GNG2: variants seen among roughly 807,000 people sequenced by gnomAD.
The protein encoded by GNG2 is guanine nucleotide-binding protein G(I)/G(S)/G(O) subunit gamma-2.
GNG2 carries 5 observed loss-of-function variants against 5.5 expected under a neutral mutation model. The ratio of observed to expected loss-of-function variants is 0.91; its 90% CI spans 0.48 to 1.92. The LOEUF is 1.92. Ranked by LOEUF, GNG2 falls within the 30% of genes most tolerant of loss-of-function variation. The pLI is 0.01. For missense variants in GNG2, 55 were observed against 88.4 expected, an observed-to-expected ratio of 0.62 and a Z score of 1.52; for synonymous variants, 28 against 32.0, an observed-to-expected ratio of 0.88 and a Z score of 0.42.
chr14:51,893,078 T>A (rs918635228), intron 2 of GNG2, among the ~76,000 whole-genome samples: 6 of 152,240 alleles, frequency 3.9e-5, no homozygotes, highest in Non-Finnish European at 7.3e-5. Context: ...TGTGGTTGTG[T>A]TTCTTCTAAC....
chr14:51,853,615 T>C (rs1310471121), intron 2 of GNG2, among the ~76,000 whole-genome samples: 1 of 152,228 alleles, frequency 6.6e-6, no homozygotes, highest in East Asian at 1.9e-4. Context: ...CTGGTCTACA[T>C]TTTTGGCACA....
chr14:51,957,301 A>T (rs1594960377), intron 3 of GNG2, among the ~76,000 whole-genome samples: 1 of 151,902 alleles, frequency 6.6e-6, no homozygotes, highest in African/African-American at 2.4e-5. Flanking sequence ...ATAAAATTTG[A>T]TTTTTTTCTC....
At chr14:51,947,386 G>T (rs538959330) in intron 2 of GNG2, among the ~76,000 whole-genome samples, 7 of 152,254 alleles carry the variant, frequency 4.6e-5, no homozygotes, top group African/African-American at 1.4e-4. Context: ...TAGTTACAAG[G>T]GTCCTTAAAA....
chr14:51,893,620 G>T (rs1206198026), intron 2 of GNG2, among the ~76,000 whole-genome samples: 1 of 151,650 alleles, frequency 6.6e-6, no homozygotes, highest in Non-Finnish European at 1.5e-5. Flanking sequence ...ACATATGTCT[G>T]TGTTTTCCTT....
rs896470745 is a variant in GNG2 at position 51,967,505 on chromosome 14, C to T, written c.*818C>T. 1.3e-5 allele frequency: 2 copies of T among 151,996 alleles called. No individual in the cohort carries two copies. The highest frequency in any genetic ancestry group is 4.8e-5 in the African/African-American group (2 of 41,378). 9.4% of individuals were successfully genotyped at this position (151,996 alleles called of 1,614,324 possible). On this transcript the variant is annotated 3_prime_UTR_variant, in exon 4 of 4. Coordinates refer to ENST00000556766, the MANE Select transcript of GNG2 (RefSeq NM_053064.5). ...TCCATTCAGAAGTTTTGTTGTTTTA[C>T]TCTAAAGCTGGGAAAGGAAATGAGA...
chr14:51,886,781 G>T (rs1308749160), intron 2 of GNG2, among the ~76,000 whole-genome samples: 2 of 152,154 alleles, frequency 1.3e-5, no homozygotes, highest in Non-Finnish European at 2.9e-5. Flanking sequence ...CTGATCGCCT[G>T]CTCATGCTCC....
Position 51,916,516 on chromosome 14 carries a change from A to T in GNG2, c.-29-34134A>T, listed in dbSNP as rs949175470. The T allele has an allele frequency of 2.4e-5, 11 of 452,218 alleles. No individual in the cohort carries two copies. In the Middle Eastern group the frequency reaches 1.3e-3, roughly 54 times the overall value. The allele number at this position is 452,218 out of a possible 1,614,324, so 28.0% of individuals were successfully genotyped here. A position where few individuals can be genotyped will look rare whatever the true frequency, so the allele number is the denominator to read the frequency against. ...TTTCCACGAAAATAATCCTGAAAAA[A>T]AAAAAGAAATGGAAATTAATCCAAT... On this transcript the variant is annotated intron_variant, in intron 2 of 3. Coordinates refer to ENST00000556766, the MANE Select transcript of GNG2 (RefSeq NM_053064.5).
At chr14:51,907,176 C>T (rs896441057) in intron 2 of GNG2, among the ~76,000 whole-genome samples, 2 of 152,206 alleles carry the variant, frequency 1.3e-5, no homozygotes, top group Non-Finnish European at 2.9e-5. Flanking sequence ...TTGGACCGAG[C>T]TAGCAATGAA....
At chr14:51,909,973 A>G (rs1433208322) in intron 2 of GNG2, among the ~76,000 whole-genome samples, 1 of 152,242 alleles carries the variant, frequency 6.6e-6, no homozygotes, top group East Asian at 1.9e-4. Context: ...CTCTGAAAGA[A>G]TGGAATTGAT....
At chr14:51,879,757 G>A (rs1333430601) in intron 2 of GNG2, among the ~76,000 whole-genome samples, 1 of 152,168 alleles carries the variant, frequency 6.6e-6, no homozygotes, top group Non-Finnish European at 1.5e-5. Flanking sequence ...AAGTATCTGT[G>A]TGATAAGATT....
In GNG2 at chr14:51,940,700, T is replaced by A. The variant is rs1047098016; in HGVS notation, c.-29-9950T>A. Among the ~76,000 whole-genome samples, 8 of 152,308 alleles carry A rather than the reference T, an allele frequency of 5.3e-5. 1 individual carries two copies. The highest frequency in any genetic ancestry group is 4.6e-4 in the Admixed American group (7 of 15,294). ...GAGAGAAAAGCAGTAAGTGTCCCAA[T>A]AAATCTTTATTGATTTAAAATCTGC... On this transcript the variant is annotated intron_variant, in intron 2 of 3. Transcript: ENST00000556766.
In GNG2 at chr14:51,931,108, A is replaced by T. The variant is rs572341691; in HGVS notation, c.-29-19542A>T. On this transcript the variant is annotated intron_variant, in intron 2 of 3. Coordinates refer to ENST00000556766, the MANE Select transcript of GNG2 (RefSeq NM_053064.5). ...GCAAGACTCTGTCTCAAAAACAAAAACAAAAGAACAGGAAAGAGAGAGAAA... is the reference window on the plus strand; with the variant it reads ...GCAAGACTCTGTCTCAAAAACAAAATCAAAAGAACAGGAAAGAGAGAGAAA... Among the ~76,000 whole-genome samples the T allele has an allele frequency of 4.6e-5, 7 of 152,316 alleles. No individual in the cohort carries two copies. The East Asian group carries it at 1.2e-3, about 25-fold the overall frequency.
chr14:51,831,157 T>C (rs1054128541), intron 2 of GNG2, among the ~76,000 whole-genome samples: 1 of 152,204 alleles, frequency 6.6e-6, no homozygotes, highest in Non-Finnish European at 1.5e-5. Flanking sequence ...ACTCCAACAG[T>C]TTTAATGTCA....
chr14:51,838,469 C>T (rs1881401551), intron 2 of GNG2, among the ~76,000 whole-genome samples: 1 of 151,826 alleles, frequency 6.6e-6, no homozygotes, highest in Non-Finnish European at 1.5e-5. Context: ...GGTTATTAAT[C>T]CCATTTACAC....
At position 51,967,847 on chromosome 14, in the gene GNG2, G is replaced by C. The variant is rs1314131228; in HGVS notation, c.*1160G>C. ...TTGTGCTCTTAACAAGAAAACCATG[G>C]CCCTCCTTTGTTCAAGTATCAGAAG... On this transcript the variant is annotated 3_prime_UTR_variant, in exon 4 of 4. Coordinates refer to ENST00000556766, the MANE Select transcript of GNG2 (RefSeq NM_053064.5). 2 of 151,834 alleles carry C rather than the reference G, an allele frequency of 1.3e-5. No homozygotes were observed. Among genetic ancestry groups the C allele is most frequent in the Non-Finnish European group, 2.9e-5 (2 of 67,988 alleles). The allele number at this position is 151,834 out of a possible 1,614,324, so 9.4% of individuals were successfully genotyped here. A position where few individuals can be genotyped will look rare whatever the true frequency, so the allele number is the denominator to read the frequency against.
chr14:51,870,176 C>T (rs993492490), intron 1 of GNG2, among the ~76,000 whole-genome samples: 3 of 152,076 alleles, frequency 2.0e-5, no homozygotes, highest in African/African-American at 4.8e-5. Flanking sequence ...TTGAGAAAAA[C>T]ACGAACAAAA....
At chr14:51,944,692 A>G (rs1050999698) in intron 2 of GNG2, among the ~76,000 whole-genome samples, 1 of 152,226 alleles carries the variant, frequency 6.6e-6, no homozygotes, top group Non-Finnish European at 1.5e-5. Flanking sequence ...AAAAACTATA[A>G]AACTCTTAAA....
rs34240079 is a variant in GNG2, at chr14:51,906,757, C to CTTTTTTTTTTTTTTT, written c.-30+29102_-30+29116dup. Among the ~76,000 whole-genome samples the CTTTTTTTTTTTTTTT allele has an allele frequency of 4.6e-3, 480 of 105,224 alleles. 42 individuals carry two copies. The highest frequency in any genetic ancestry group is 0.011 in the East Asian group (32 of 2,922). The allele number at this position is 105,224 out of a possible 152,430, so 69.0% of individuals were successfully genotyped here. A position where few individuals can be genotyped will look rare whatever the true frequency, so the allele number is the denominator to read the frequency against. On this transcript the variant is annotated intron_variant, in intron 2 of 3. Coordinates refer to ENST00000556766, the MANE Select transcript of GNG2 (RefSeq NM_053064.5). ...TTGCATGCAGCCTGCTGGAGAATCT[C>CTTTTTTTTTTTTTTT]TTTTTTTTTTTTTTTTGAGACGGAG... is the stretch of plus-strand genomic sequence containing the variant.
rs556044496 is a variant in GNG2, at chr14:51,877,319, T to C, written c.-70-298T>C. Among the ~76,000 whole-genome samples, 7 of 152,382 alleles carry C rather than the reference T, an allele frequency of 4.6e-5. No homozygotes were observed. The South Asian group carries it at 8.3e-4, about 18-fold the overall frequency. On this transcript the variant is annotated intron_variant, in intron 1 of 3. Coordinates refer to ENST00000556766, the MANE Select transcript of GNG2 (RefSeq NM_053064.5). ...ATACAGCCTCTCCCACCAAGGACTCTGCTTCCTCTAGGTTCCTAAGTGGCC... is the reference window on the plus strand; with the variant it reads ...ATACAGCCTCTCCCACCAAGGACTCCGCTTCCTCTAGGTTCCTAAGTGGCC...
Sources: allele counts gnomAD v4.1 joint callset (sites outside exome capture counted in the v4.1 genomes callset), GRCh38; gene constraint gnomAD v4.1.1; transcripts MANE v1.5; gene names NCBI Gene and HGNC (gene_info 2026-07-23, HGNC 2026-07-21).